NOX3: variants seen among roughly 807,000 people sequenced by gnomAD.
NOX3 encodes the protein NADPH oxidase 3.
Under a neutral mutation model 76.7 loss-of-function variants are expected in NOX3, and 74 were observed. The observed-to-expected ratio is 0.96, with a 90% CI of 0.80 to 1.17. The LOEUF (loss-of-function observed/expected upper bound fraction) is 1.17. NOX3 is among the 50% of genes most tolerant of loss of function. NOX3 has a pLI of 0.00. For missense variants in NOX3, 695 were observed against 703.3 expected, an observed-to-expected ratio of 0.99 and a Z score of 0.13; for synonymous variants, 263 against 261.1, an observed-to-expected ratio of 1.01 and a Z score of -0.07.
chr6:155,407,728 G>A (rs1380627739), intron 11 of NOX3, among the ~76,000 whole-genome samples: 2 of 152,206 alleles, frequency 1.3e-5, no homozygotes, highest in Non-Finnish European at 2.9e-5. Context: ...ATCTTACAAT[G>A]AGACCTGCCT....
At chr6:155,403,535 C>G (rs1469965060) in intron 12 of NOX3, among the ~76,000 whole-genome samples, 1 of 152,156 alleles carries the variant, frequency 6.6e-6, no homozygotes, top group African/African-American at 2.4e-5. Flanking sequence ...CTCGTCTACT[C>G]TGGAAGAGAT....
intron 11 of NOX3, among the ~76,000 whole-genome samples, chr6:155,407,934 A>G (rs1019417890): frequency 6.6e-6 from 1 of 152,164 alleles, no homozygotes; most frequent in African/African-American, 2.4e-5. Flanking sequence ...AGCCCACAGC[A>G]TAATCCCTTG....
chr6:155,438,082 G>T (rs1414066456), intron 6 of NOX3, among the ~76,000 whole-genome samples: 1 of 152,166 alleles, frequency 6.6e-6, no homozygotes, highest in Non-Finnish European at 1.5e-5. Flanking sequence ...ATGCACCAGG[G>T]TGTGGATGTG....
Position 155,439,871 on chromosome 6 carries a change from G to A in NOX3, c.668+85C>T, listed in dbSNP as rs114431019. On this transcript the variant is annotated intron_variant, in intron 6 of 13. Coordinates refer to ENST00000159060, the MANE Select transcript of NOX3 (RefSeq NM_015718.3). ...ACGAGTCCTGTAGTCACCGCACGCC[G>A]GCTCCTTCATCTAAAGGACTTTCTA... 1,884 of 1,274,822 alleles carry A rather than the reference G, an allele frequency of 1.5e-3. 13 individuals are homozygous for A. In the African/African-American group the frequency reaches 0.017, roughly 12 times the overall value. The allele number at this position is 1,274,822 out of a possible 1,614,324, so 79.0% of individuals were successfully genotyped here.
At chr6:155,449,178 C>T (rs527606578) in intron 4 of NOX3, among the ~76,000 whole-genome samples, 3 of 152,224 alleles carry the variant, frequency 2.0e-5, no homozygotes, top group South Asian at 4.1e-4. Flanking sequence ...TCTGTGCTCT[C>T]TCCTCTCACC....
Position 155,429,647 on chromosome 6 carries a change from G to A in NOX3, c.892-600C>T, listed in dbSNP as rs544152427. Among the ~76,000 whole-genome samples, 52 of 152,280 alleles carry A rather than the reference G, an allele frequency of 3.4e-4. 1 individual carries two copies. The South Asian group carries it at 8.5e-3, about 25-fold the overall frequency. ...AGGGAAGCATTGGACAAGGTTTCTA[G>A]TAGTGTTTATAAAAGCTTTATGACT... On this transcript the variant is annotated intron_variant, in intron 8 of 13. Transcript: ENST00000159060.
intron 6 of NOX3, among the ~76,000 whole-genome samples, chr6:155,439,480 A>C (rs1776952818): frequency 6.6e-6 from 1 of 152,106 alleles, no homozygotes; most frequent in Admixed American, 6.5e-5. Context: ...TGAAGGGCTC[A>C]CTCTGATAAC....
chr6:155,398,517 C>T lies in NOX3; in HGVS notation c.1581-1555G>A, dbSNP rs570942182. Among the ~76,000 whole-genome samples, 13 of 152,330 alleles carry T rather than the reference C, an allele frequency of 8.5e-5. No individual in the cohort carries two copies. The South Asian group carries it at 2.7e-3, about 32-fold the overall frequency. The stretch of plus-strand genomic sequence containing the variant: ...ACAGTAGAAATTGATGGTTCCCCTG[C>T]ATTTCAAACTCCAGCTTCAAAGGAA... On this transcript the variant is annotated intron_variant, in intron 12 of 13. Transcript: ENST00000159060.
At position 155,396,892 on chromosome 6, in the gene NOX3, A is replaced by G; in HGVS notation, c.1651T>C (p.Tyr551His). ...ACACCTCTGGGGTCAGCTGATGAATACAAGTGGCACATCTTTTGAAGTGTC... is the reference window on the plus strand; with the variant it reads ...ACACCTCTGGGGTCAGCTGATGAATGCAAGTGGCACATCTTTTGAAGTGTC... Reference protein sequence around the residue: ...SRTLQKMCHLYSSADPRGVHF... With the variant: ...SRTLQKMCHLHSSADPRGVHF... Residue 551 changes from tyrosine to histidine, a missense_variant, in exon 13 of 14, where the codon TAT becomes CAT. Coordinates refer to ENST00000159060, the MANE Select transcript of NOX3 (RefSeq NM_015718.3). 6.2e-7 allele frequency: 1 copy of G among 1,613,550 alleles called. No homozygotes were observed. Among genetic ancestry groups the G allele is most frequent in the Non-Finnish European group, 8.5e-7 (1 of 1,179,594 alleles).
chr6:155,449,259 T>C lies in NOX3; in HGVS notation c.340+4145A>G, dbSNP rs374865672. On this transcript the variant is annotated intron_variant, in intron 4 of 13. Coordinates refer to ENST00000159060, the MANE Select transcript of NOX3 (RefSeq NM_015718.3). ...CTCATCAGGAGCTGCACTCGGCTAATTGTTCACTCCTGGAACCTGGCAGAA... is the reference window on the plus strand; with the variant it reads ...CTCATCAGGAGCTGCACTCGGCTAACTGTTCACTCCTGGAACCTGGCAGAA... Among the ~76,000 whole-genome samples the C allele has an allele frequency of 4.6e-5, 7 of 152,282 alleles. No homozygotes were observed. The South Asian group carries it at 1.5e-3, about 32-fold the overall frequency.
At chr6:155,403,585 G>A (rs905252383) in intron 12 of NOX3, among the ~76,000 whole-genome samples, 7 of 152,182 alleles carry the variant, frequency 4.6e-5, no homozygotes, top group African/African-American at 1.7e-4. Context: ...CATAGCTACC[G>A]TGCTGCAAAA....
chr6:155,400,157 C>T lies in NOX3; in HGVS notation c.1581-3195G>A, dbSNP rs189435988. On this transcript the variant is annotated intron_variant, in intron 12 of 13. Coordinates refer to ENST00000159060, the MANE Select transcript of NOX3 (RefSeq NM_015718.3). ...GGTGCATTTTTCAAAAACAGTTCAG[C>T]GATGCCATGCATGAAAGGCATCCAA... 5.1e-4 allele frequency among the ~76,000 whole-genome samples: 78 copies of T among 152,282 alleles called. No individual in the cohort carries two copies. In the East Asian group the frequency reaches 6.0e-3, roughly 12 times the overall value.
intron 12 of NOX3, among the ~76,000 whole-genome samples, chr6:155,401,262 G>T (rs1425971213): frequency 6.6e-6 from 1 of 152,168 alleles, no homozygotes; most frequent in Non-Finnish European, 1.5e-5. Flanking sequence ...CAGAGAGATT[G>T]ATGCCCTCTC....
intron 9 of NOX3, among the ~76,000 whole-genome samples, chr6:155,424,639 C>G (rs543482459): frequency 6.6e-6 from 1 of 151,908 alleles, no homozygotes; most frequent in African/African-American, 2.4e-5. Context: ...GAACTCTCCT[C>G]AAGTTAATCT....
At chr6:155,423,743 CTTTT>C (rs528445827) in intron 9 of NOX3, among the ~76,000 whole-genome samples, 1 of 137,534 alleles carries the variant, frequency 7.3e-6, no homozygotes. Flanking sequence ...TTTTCTTTTT[CTTTT>C]TTTTTTTTTT....
At chr6:155,407,038 A>T in intron 12 of NOX3, 92 bp downstream of exon 12, 1 of 1,384,158 alleles carries the variant, frequency 7.2e-7, no homozygotes, top group South Asian at 1.2e-5. Context: ...TAATGGAGAT[A>T]TACGGTACTG....
At chr6:155,434,257 C>T (rs143904664) in intron 7 of NOX3, among the ~76,000 whole-genome samples, 2 of 152,322 alleles carry the variant, frequency 1.3e-5, no homozygotes, top group African/African-American at 2.4e-5. Flanking sequence ...TAACAGCTTT[C>T]CCTAGTAATT....
At chr6:155,413,761 A>T (rs1322226187) in intron 10 of NOX3, among the ~76,000 whole-genome samples, 1 of 152,104 alleles carries the variant, frequency 6.6e-6, no homozygotes, top group Non-Finnish European at 1.5e-5. Flanking sequence ...GTTTCATCTC[A>T]GAGTTGGCAT....
chr6:155,411,170 G>T (rs1419529150), intron 11 of NOX3, 44 bp downstream of exon 11: 16 of 1,561,962 alleles, frequency 1.0e-5, no homozygotes, highest in Non-Finnish European at 1.3e-5. Context: ...ATTGCTATTA[G>T]ATGAGTTCAG....
Sources: gnomAD v4.1 joint callset for allele counts (sites outside exome capture counted in the v4.1 genomes callset) on GRCh38, gnomAD v4.1.1 for gene constraint, MANE v1.5 for transcripts, NCBI Gene and HGNC (gene_info 2026-07-23, HGNC 2026-07-21) for gene names.